The following SEC16B variants were observed in gnomAD, a reference collection of about 807,000 sequenced individuals.
SEC16B encodes SEC16 homolog B, endoplasmic reticulum export factor.
A neutral mutation model predicts 141.8 loss-of-function variants in SEC16B; 115 were observed. The observed-to-expected ratio is 0.81, with a 90% CI of 0.70 to 0.95. The LOEUF is 0.95. Ranked by LOEUF, SEC16B falls within the 40% of genes least tolerant of loss-of-function variation. The pLI is 0.00. For synonymous variants in SEC16B, 493 were observed against 492.5 expected, an observed-to-expected ratio of 1.00 and a Z score of -0.01; for missense variants, 1,291 against 1,312.3, an observed-to-expected ratio of 0.98 and a Z score of 0.25.
chr1:177,929,986 G>C (rs545608), intron 25 of SEC16B, 57 bp from the exon 26 acceptor site: 311,500 of 1,565,378 alleles, frequency 0.2, 31,632 homozygotes, highest in African/African-American at 0.25. Context: ...ACTCTGCCCG[G>C]GGTTGATTGG....
rs148762286 is a variant in SEC16B at position 177,940,451 on chromosome 1, G to A, written c.2127+159C>T. Among the ~76,000 whole-genome samples, 310 of 152,262 alleles carry A rather than the reference G, an allele frequency of 2.0e-3. 2 individuals are homozygous for A. Among genetic ancestry groups the A allele is most frequent in the African/African-American group, 6.9e-3 (285 of 41,554 alleles). ...AGGGAAGCTGAGTCCCACCCCTTGCGCAGACACCAACTGTGCCTCATGGGT... is the reference window on the plus strand; with the variant it reads ...AGGGAAGCTGAGTCCCACCCCTTGCACAGACACCAACTGTGCCTCATGGGT... On this transcript the variant is annotated intron_variant, in intron 17 of 25. Transcript: ENST00000308284.
intron 24 of SEC16B, 102 bp from the exon 25 acceptor site, chr1:177,930,745 A>G: frequency 2.6e-6 from 2 of 784,084 alleles, no homozygotes; most frequent in Non-Finnish European, 4.1e-6. Flanking sequence ...TTTTTTTCTC[A>G]GTGATTTCTT....
At chr1:177,961,027 G>T in intron 6 of SEC16B, 88 bp from the exon 7 acceptor site, 1 of 1,449,316 alleles carries the variant, frequency 6.9e-7, no homozygotes, top group Non-Finnish European at 9.4e-7. Context: ...ATGTATTTCT[G>T]CCCAAATTCT....
At chr1:177,953,336 C>A (rs1336783) in intron 11 of SEC16B, among the ~76,000 whole-genome samples, 41,273 of 152,060 alleles carry the variant, frequency 0.27, 6,185 homozygotes, top group East Asian at 0.54. Context: ...AACCTCTACT[C>A]AACAGGATTA....
chr1:177,958,778 A>T, intron 9 of SEC16B, 62 bp downstream of exon 9: 1 of 1,541,274 alleles, frequency 6.5e-7, no homozygotes, highest in Non-Finnish European at 8.7e-7. Flanking sequence ...ACATAATCTT[A>T]TCTATCCCAT....
intron 18 of SEC16B, 143 bp downstream of exon 18, chr1:177,939,559 C>A (rs1052830389): frequency 4.4e-6 from 3 of 683,250 alleles, no homozygotes; most frequent in Non-Finnish European, 7.7e-6. Flanking sequence ...GTGGAGAAGG[C>A]GCCTGGACAA....
Position 177,937,315 on chromosome 1 carries a change from A to G in SEC16B, c.2402T>C (p.Val801Ala). 2 of 1,613,794 alleles carry G rather than the reference A, an allele frequency of 1.2e-6. No homozygotes were observed. The highest frequency in any genetic ancestry group is 1.7e-6 in the Non-Finnish European group (2 of 1,179,858). ...QTGTPRPFYS[V>A]PETHLPGTGS... ...AGTCCCTGGTAGATGGGTCTCAGGAACTGAGTAAAAAGGCCTCGGTGTCCC... is the reference window on the plus strand; with the variant it reads ...AGTCCCTGGTAGATGGGTCTCAGGAGCTGAGTAAAAAGGCCTCGGTGTCCC... Residue 801 changes from valine to alanine, a missense_variant, in exon 19 of 26, where the codon GTT becomes GCT. Physicochemically the swap from Val to Ala is moderately conservative, Grantham distance 64. Transcript: ENST00000308284.
chr1:177,968,951 G>T (rs576932722), intron 1 of SEC16B, among the ~76,000 whole-genome samples: 1 of 152,260 alleles, frequency 6.6e-6, no homozygotes, highest in African/African-American at 2.4e-5. Context: ...ATTGCTCCAA[G>T]GACTGATTAC....
chr1:177,957,049 T>C (rs1014853955), intron 10 of SEC16B, among the ~76,000 whole-genome samples: 6 of 152,190 alleles, frequency 3.9e-5, no homozygotes, highest in Non-Finnish European at 8.8e-5. Context: ...TAGGAAGCCT[T>C]AGATATAGCA....
At chr1:177,957,127 T>C (rs1452899955) in intron 10 of SEC16B, among the ~76,000 whole-genome samples, 1 of 152,134 alleles carries the variant, frequency 6.6e-6, no homozygotes, top group Non-Finnish European at 1.5e-5. Flanking sequence ...CTTTTAAAAG[T>C]GCATGCCCTT....
intron 20 of SEC16B, among the ~76,000 whole-genome samples, chr1:177,934,772 T>C (rs1479705272): frequency 6.6e-6 from 1 of 152,110 alleles, no homozygotes; most frequent in African/African-American, 2.4e-5. Flanking sequence ...AGGGCTTATA[T>C]ACTAGGATGA....
intron 15 of SEC16B, among the ~76,000 whole-genome samples, chr1:177,943,360 G>C (rs1468524156): frequency 6.6e-6 from 1 of 152,192 alleles, no homozygotes; most frequent in Non-Finnish European, 1.5e-5. Context: ...GATAGGTGCA[G>C]CAAACCACCA....
intron 1 of SEC16B, among the ~76,000 whole-genome samples, chr1:177,976,744 T>C (rs1654182451): frequency 6.6e-6 from 1 of 152,216 alleles, no homozygotes; most frequent in South Asian, 2.1e-4. Flanking sequence ...ATAAATTGCC[T>C]AAGAAGTATT....
chr1:177,934,557 A>G (rs2101902177), intron 20 of SEC16B, among the ~76,000 whole-genome samples: 1 of 152,214 alleles, frequency 6.6e-6, no homozygotes, highest in East Asian at 1.9e-4. Flanking sequence ...CTTTATATGT[A>G]GTGATTCATT....
chr1:177,954,251 T>A, intron 11 of SEC16B, 28 bp downstream of exon 11: 1 of 1,526,614 alleles, frequency 6.6e-7, no homozygotes, highest in Middle Eastern at 1.8e-4. Flanking sequence ...TCTGCCCCAC[T>A]GGCCTCTTTT....
At chr1:177,947,323 C>T (rs1651788371) in intron 13 of SEC16B, among the ~76,000 whole-genome samples, 1 of 152,072 alleles carries the variant, frequency 6.6e-6, no homozygotes, top group South Asian at 2.1e-4. Context: ...CAGGGTTAAC[C>T]CAGAGTGGTT....
Position 177,967,666 on chromosome 1 carries a change from A to G in SEC16B, c.299+17T>C. On this transcript the variant is annotated intron_variant, in intron 2 of 25. Transcript: ENST00000308284. Reference sequence around the variant, plus strand: ...CATTTAGGAGAGTTGCATTCATTCCAAGCCCTAAAGCCATACCTTGAATAC... The same window carrying G: ...CATTTAGGAGAGTTGCATTCATTCCGAGCCCTAAAGCCATACCTTGAATAC... The G allele has an allele frequency of 6.4e-7, 1 of 1,555,234 alleles. No homozygotes were observed. The highest frequency in any genetic ancestry group is 8.7e-7 in the Non-Finnish European group (1 of 1,146,836).
intron 6 of SEC16B, 187 bp from the exon 7 acceptor site, chr1:177,961,126 G>T: frequency 1.7e-6 from 1 of 605,132 alleles, no homozygotes; most frequent in Non-Finnish European, 2.9e-6. Flanking sequence ...CTCTGAGAAG[G>T]TGTCAGAATA....
rs780043099 is a variant in SEC16B at position 177,947,839 on chromosome 1, A to G, written c.1649T>C (p.Ile550Thr). 1.1e-4 allele frequency: 178 copies of G among 1,551,296 alleles called. No homozygotes were observed. Among genetic ancestry groups the G allele is most frequent in the East Asian group, 4.4e-4 (18 of 40,964 alleles). Reference protein sequence around the residue: ...PELYQRAIVAIGDTLAGKGLV... With the variant: ...PELYQRAIVATGDTLAGKGLV... ...GTGTCGCTTACCCAGGGTGTCCCCA[A>G]TGGCAACAATCGCACGCTGATACAG... Residue 550 changes from isoleucine to threonine, a missense_variant, in exon 13 of 26, where the codon ATT becomes ACT. Ile to Thr is a moderately conservative substitution (Grantham distance 89). Coordinates refer to ENST00000308284, the MANE Select transcript of SEC16B (RefSeq NM_033127.4).
Sources: gnomAD v4.1 joint callset for allele counts (sites outside exome capture counted in the v4.1 genomes callset) on GRCh38, gnomAD v4.1.1 for gene constraint, MANE v1.5 for transcripts, NCBI Gene and HGNC (gene_info 2026-07-23, HGNC 2026-07-21) for gene names.